Variants in SUMF1 observed in about 807,000 individuals in gnomAD.
The protein encoded by SUMF1 is sulfatase modifying factor 1.
Under a neutral mutation model 47.6 loss-of-function variants are expected in SUMF1, and 48 were observed. The observed-to-expected ratio is 1.01, with a 90% CI of 0.80 to 1.28. The LOEUF (loss-of-function observed/expected upper bound fraction) is 1.28. Among genes scored for constraint, SUMF1 ranks in the 50% most tolerant of loss-of-function variants. The pLI is 0.00. For missense variants in SUMF1, 571 were observed against 485.4 expected (o/e 1.18, Z -1.66); for synonymous variants, 230 against 192.1 (o/e 1.20, Z -1.63).
In SUMF1 at chr3:4,084,622, C is replaced by A. The variant is rs115223112; in HGVS notation, c.1015-15877G>T. Among the ~76,000 whole-genome samples, 473 of 152,156 alleles carry A rather than the reference C, an allele frequency of 3.1e-3. 10 individuals are homozygous for A. Among genetic ancestry groups the A allele is most frequent in the African/African-American group, 0.011 (439 of 41,498 alleles). On this transcript the variant is annotated intron_variant and NMD_transcript_variant, in intron 8 of 12. Coordinates refer to the SUMF1 transcript ENST00000448413. Reference sequence around the variant, plus strand: ...AAGAAACTCAAGACTTAAGTTTCTTCCTGACTTTCACACTTAGCACAAAGT... The same window carrying A: ...AAGAAACTCAAGACTTAAGTTTCTTACTGACTTTCACACTTAGCACAAAGT...
intron 8 of SUMF1, among the ~76,000 whole-genome samples, chr3:4,258,432 C>T: frequency 7.4e-6 from 1 of 135,096 alleles, no homozygotes; most frequent in African/African-American, 3.0e-5. Flanking sequence ...AACAAACAAC[C>T]CCATCAAAAA....
At chr3:4,417,279 G>A in intron 5 of SUMF1, 37 bp from the exon 6 acceptor site, 1 of 1,584,736 alleles carries the variant, frequency 6.3e-7, no homozygotes, top group African/African-American at 1.3e-5. Flanking sequence ...CTGTCAAACA[G>A]GCACAGGTTT....
intron 8 of SUMF1, among the ~76,000 whole-genome samples, chr3:4,216,845 G>A (rs113080042): frequency 0.036 from 5,524 of 152,100 alleles, 127 homozygotes; most frequent in Non-Finnish European, 0.057. Context: ...AATGGGGATC[G>A]TCAAAAAGTC....
chr3:4,125,315 G>T (rs1034397006), intron 8 of SUMF1, among the ~76,000 whole-genome samples: 1 of 152,100 alleles, frequency 6.6e-6, no homozygotes, highest in Non-Finnish European at 1.5e-5. Flanking sequence ...CACAGATATA[G>T]AACATTTCTG....
chr3:4,206,923 A>G (rs983697080), intron 8 of SUMF1, among the ~76,000 whole-genome samples: 2 of 152,096 alleles, frequency 1.3e-5, no homozygotes, highest in Admixed American at 6.6e-5. Flanking sequence ...ATTATGTTGA[A>G]TCTATAAATC....
intron 8 of SUMF1, among the ~76,000 whole-genome samples, chr3:4,134,819 T>A (rs138264703): frequency 0.036 from 5,544 of 152,148 alleles, 140 homozygotes; most frequent in Non-Finnish European, 0.058. Flanking sequence ...AAATACAAAC[T>A]ACCATCAGAG....
At chr3:4,156,135 C>T (rs1694447007) in intron 8 of SUMF1, among the ~76,000 whole-genome samples, 1 of 151,518 alleles carries the variant, frequency 6.6e-6, no homozygotes, top group Non-Finnish European at 1.5e-5. Context: ...GTAGCCTGGT[C>T]CTGTACATCT....
intron 8 of SUMF1, among the ~76,000 whole-genome samples, chr3:4,371,409 C>T (rs1294616223): frequency 6.6e-6 from 1 of 152,078 alleles, no homozygotes; most frequent in Non-Finnish European, 1.5e-5. Flanking sequence ...CTTGGGGCTT[C>T]AAAGTAAAGG....
intron 8 of SUMF1, among the ~76,000 whole-genome samples, chr3:4,149,466 C>T (rs1186277390): frequency 6.6e-6 from 1 of 152,138 alleles, no homozygotes; most frequent in Non-Finnish European, 1.5e-5. Context: ...AACACCTCTA[C>T]CACATCCCCA....
At chr3:4,086,099 A>G (rs1333326528) in intron 8 of SUMF1, among the ~76,000 whole-genome samples, 1 of 152,038 alleles carries the variant, frequency 6.6e-6, no homozygotes, top group African/African-American at 2.4e-5. Flanking sequence ...AACACAGAGA[A>G]CACAGAAACA....
At chr3:4,456,688 G>A (rs1219955937) in intron 1 of SUMF1, among the ~76,000 whole-genome samples, 5 of 136,174 alleles carry the variant, frequency 3.7e-5, no homozygotes, top group Admixed American at 1.5e-4. Flanking sequence ...ATATATATAT[G>A]TGTGTATATA....
At chr3:4,373,578 T>C (rs1700233708) in intron 8 of SUMF1, among the ~76,000 whole-genome samples, 1 of 152,136 alleles carries the variant, frequency 6.6e-6, no homozygotes, top group South Asian at 2.1e-4. Flanking sequence ...AATTAATTAA[T>C]AGTTAAAACT....
intron 8 of SUMF1, among the ~76,000 whole-genome samples, chr3:4,129,897 A>G (rs1693745552): frequency 6.6e-6 from 1 of 152,164 alleles, no homozygotes; most frequent in Non-Finnish European, 1.5e-5. Context: ...GTCAGAATGC[A>G]TAATTGGCAC....
chr3:4,314,596 A>G (rs1698560713), intron 8 of SUMF1, among the ~76,000 whole-genome samples: 1 of 152,156 alleles, frequency 6.6e-6, no homozygotes, highest in African/African-American at 2.4e-5. Context: ...ACTTGGCTGT[A>G]CTCCAAATCT....
chr3:4,269,309 C>T (rs1697259891), intron 8 of SUMF1, among the ~76,000 whole-genome samples: 1 of 152,136 alleles, frequency 6.6e-6, no homozygotes, highest in Admixed American at 6.6e-5. Flanking sequence ...TATCCCTCCC[C>T]ACTCCCCCCA....
At chr3:4,290,516 T>G (rs1375410300) in intron 8 of SUMF1, among the ~76,000 whole-genome samples, 2 of 152,186 alleles carry the variant, frequency 1.3e-5, no homozygotes, top group Non-Finnish European at 2.9e-5. Flanking sequence ...AAGCACATTT[T>G]AAGAACGAGA....
At chr3:4,150,485 C>T (rs888824828) in intron 8 of SUMF1, among the ~76,000 whole-genome samples, 5 of 150,730 alleles carry the variant, frequency 3.3e-5, no homozygotes, top group South Asian at 2.1e-4. Flanking sequence ...TTGCTTGAAC[C>T]GGGGAGGCGG....
chr3:4,377,033 T>C (rs897276423), intron 7 of SUMF1, among the ~76,000 whole-genome samples: 3 of 152,090 alleles, frequency 2.0e-5, no homozygotes, highest in African/African-American at 7.2e-5. Flanking sequence ...ACTACTGAGC[T>C]CAAGTGACCC....
At chr3:4,207,804 A>G (rs540909135) in intron 8 of SUMF1, among the ~76,000 whole-genome samples, 1 of 152,126 alleles carries the variant, frequency 6.6e-6, no homozygotes, top group Non-Finnish European at 1.5e-5. Context: ...GAAAACCACA[A>G]CTTACTAGAA....
Sources: allele counts gnomAD v4.1 joint callset (sites outside exome capture counted in the v4.1 genomes callset), GRCh38; gene constraint gnomAD v4.1.1; transcripts MANE v1.5; gene names NCBI Gene and HGNC (gene_info 2026-07-23, HGNC 2026-07-21).